GSK3B: variants seen among roughly 807,000 people sequenced by gnomAD.
The protein encoded by GSK3B is glycogen synthase kinase 3 beta, also known as glycogen synthase kinase-3 beta.
GSK3B carries 15 observed loss-of-function variants against 56.4 expected under a neutral mutation model. That is an observed-to-expected ratio of 0.27 (90% confidence interval 0.18 to 0.41). GSK3B has a LOEUF of 0.41. Ranked by LOEUF, GSK3B falls within the 10% of genes least tolerant of loss-of-function variation. The probability of loss-of-function intolerance (pLI) is 1.00; values close to 1 mark genes in which losing one functional copy is unlikely to be tolerated. For synonymous variants in GSK3B, 181 were observed against 188.9 expected (o/e 0.96, Z 0.34); for missense variants, 300 against 513.4 (o/e 0.58, Z 4.02).
At chr3:119,945,141 G>C (rs1046590189) in intron 3 of GSK3B, among the ~76,000 whole-genome samples, 1 of 152,194 alleles carries the variant, frequency 6.6e-6, no homozygotes, top group East Asian at 1.9e-4. Context: ...GTGGCTGGGA[G>C]ATTACGGGAA....
At chr3:119,853,289 T>C (rs1258902929) in intron 9 of GSK3B, among the ~76,000 whole-genome samples, 1 of 152,214 alleles carries the variant, frequency 6.6e-6, no homozygotes, top group Non-Finnish European at 1.5e-5. Context: ...TATATCTCTG[T>C]TTTGGTACCA....
chr3:119,826,411 A>C lies in GSK3B; in HGVS notation c.*377T>G, dbSNP rs1577296432. 2.3e-6 allele frequency: 1 copy of C among 430,882 alleles called. No individual in the cohort carries two copies. Among genetic ancestry groups the C allele is most frequent in the African/African-American group, 2.0e-5 (1 of 50,604 alleles). 26.7% of individuals were successfully genotyped at this position (430,882 alleles called of 1,614,324 possible). On this transcript the variant is annotated 3_prime_UTR_variant, in exon 11 of 11. Coordinates refer to ENST00000264235, the MANE Select transcript of GSK3B (RefSeq NM_001146156.2). Reference sequence around the variant, plus strand: ...ACAAAGTTCAAAAAAACCCATCAGCACAGAAAAAGGTTTTCTTCTTTTGTG... The same window carrying C: ...ACAAAGTTCAAAAAAACCCATCAGCCCAGAAAAAGGTTTTCTTCTTTTGTG...
chr3:119,907,220 C>T (rs2056691461), intron 6 of GSK3B, among the ~76,000 whole-genome samples: 1 of 152,074 alleles, frequency 6.6e-6, no homozygotes, highest in Non-Finnish European at 1.5e-5. Flanking sequence ...ATGCACTCAA[C>T]TTTTTTCCTC....
chr3:119,985,497 A>G (rs1268352057), intron 2 of GSK3B, among the ~76,000 whole-genome samples: 1 of 152,218 alleles, frequency 6.6e-6, no homozygotes, highest in Non-Finnish European at 1.5e-5. Flanking sequence ...CTCAGGATAC[A>G]AAATCAACGT....
intron 1 of GSK3B, among the ~76,000 whole-genome samples, chr3:120,067,184 A>C (rs973717997): frequency 6.6e-6 from 1 of 151,888 alleles, no homozygotes; most frequent in African/African-American, 2.4e-5. Flanking sequence ...GGAACTTTAT[A>C]ATACATAAAG....
At chr3:120,068,208 T>C (rs1411651113) in intron 1 of GSK3B, among the ~76,000 whole-genome samples, 1 of 151,112 alleles carries the variant, frequency 6.6e-6, no homozygotes, top group Non-Finnish European at 1.5e-5. Flanking sequence ...CTGATCAACA[T>C]GGTGAAACTT....
At chr3:120,044,286 C>G (rs908030240) in intron 1 of GSK3B, among the ~76,000 whole-genome samples, 90 of 152,312 alleles carry the variant, frequency 5.9e-4, no homozygotes, top group South Asian at 4.1e-4. Flanking sequence ...CTTGGCGTTC[C>G]TGGGAAGCTT....
intron 1 of GSK3B, among the ~76,000 whole-genome samples, chr3:120,036,511 C>G (rs1057377815): frequency 3.3e-5 from 5 of 152,092 alleles, no homozygotes; most frequent in Non-Finnish European, 7.4e-5. Flanking sequence ...AAAAGCAAAT[C>G]TGGCTGGGCA....
At chr3:120,006,738 C>T (rs964706617) in intron 1 of GSK3B, among the ~76,000 whole-genome samples, 3 of 151,840 alleles carry the variant, frequency 2.0e-5, no homozygotes, top group African/African-American at 4.8e-5. Context: ...CACAACATAC[C>T]AGAATCTCTG....
intron 9 of GSK3B, among the ~76,000 whole-genome samples, chr3:119,859,383 T>G (rs891629554): frequency 6.6e-6 from 1 of 152,230 alleles, no homozygotes; most frequent in African/African-American, 2.4e-5. Context: ...ATGTCTATTG[T>G]TATTTTATAA....
intron 7 of GSK3B, among the ~76,000 whole-genome samples, chr3:119,889,823 A>G (rs1024692034): frequency 5.3e-5 from 8 of 151,306 alleles, no homozygotes; most frequent in African/African-American, 1.2e-4. Flanking sequence ...TAAAACACAT[A>G]GAGTAAAAGT....
chr3:120,029,578 T>C, intron 1 of GSK3B: 1 of 589,784 alleles, frequency 1.7e-6, no homozygotes, highest in Non-Finnish European at 3.3e-6. Flanking sequence ...ATGATGGTCT[T>C]TGCAGCTGTC....
At chr3:119,863,327 G>T in intron 9 of GSK3B, 92 bp downstream of exon 9, 2 of 1,012,886 alleles carry the variant, frequency 2.0e-6, no homozygotes, top group South Asian at 1.4e-5. Flanking sequence ...GTCCGTTTTT[G>T]TCCTCCACAG....
intron 1 of GSK3B, among the ~76,000 whole-genome samples, chr3:120,079,808 A>G (rs2058402995): frequency 1.3e-5 from 2 of 152,246 alleles, no homozygotes; most frequent in Admixed American, 6.5e-5. Flanking sequence ...TCTTGGTTCA[A>G]GAAGGGCATA....
chr3:120,015,792 T>C (rs1365181184), intron 1 of GSK3B, among the ~76,000 whole-genome samples: 2 of 152,042 alleles, frequency 1.3e-5, no homozygotes, highest in African/African-American at 4.8e-5. Context: ...GCAGAATTGT[T>C]AGGATTTGAG....
intron 2 of GSK3B, among the ~76,000 whole-genome samples, chr3:120,000,834 A>C (rs574084305): frequency 6.6e-6 from 1 of 151,634 alleles, no homozygotes; most frequent in South Asian, 2.1e-4. Context: ...AAAAAAAAAA[A>C]AAAAGTTACG....
At chr3:119,888,581 G>GT (rs2056466241) in intron 7 of GSK3B, among the ~76,000 whole-genome samples, 1 of 152,072 alleles carries the variant, frequency 6.6e-6, no homozygotes, top group African/African-American at 2.4e-5. Flanking sequence ...TGTAAAGCAC[G>GT]TGTGTTTGAA....
chr3:119,905,646 T>A (rs2056675350), intron 7 of GSK3B, 109 bp downstream of exon 7: 5 of 702,636 alleles, frequency 7.1e-6, no homozygotes, highest in Admixed American at 2.0e-5. Flanking sequence ...TGACCTTGGA[T>A]TGCTTCCTCC....
chr3:119,831,480 AC>A (rs2055597896), intron 10 of GSK3B, among the ~76,000 whole-genome samples: 1 of 152,184 alleles, frequency 6.6e-6, no homozygotes, highest in South Asian at 2.1e-4. Context: ...ACACGGTGAA[AC>A]CCTGACTCTA....
Sources: gnomAD v4.1 joint callset for allele counts (sites outside exome capture counted in the v4.1 genomes callset) on GRCh38, gnomAD v4.1.1 for gene constraint, MANE v1.5 for transcripts, NCBI Gene and HGNC (gene_info 2026-07-23, HGNC 2026-07-21) for gene names.